Variants in TSNARE1 observed in about 807,000 individuals in gnomAD.
The protein encoded by TSNARE1 is t-SNARE domain containing 1, also known as t-SNARE domain-containing protein 1.
TSNARE1 carries 49 observed loss-of-function variants against 62.0 expected under a neutral mutation model. The observed-to-expected ratio is 0.79, with a 90% confidence interval of 0.63 to 1.00. The LOEUF (loss-of-function observed/expected upper bound fraction) is 1.00, where lower values mean the gene tolerates loss of function less well. Among genes scored for constraint, TSNARE1 ranks in the 50% least tolerant of loss-of-function variants. The probability of loss-of-function intolerance (pLI) is 0.00; values close to 1 mark genes in which losing one functional copy is unlikely to be tolerated. For synonymous variants in TSNARE1, 328 were observed against 294.4 expected, an observed-to-expected ratio of 1.11 and a Z score of -1.17; for missense variants, 755 against 700.1, an observed-to-expected ratio of 1.08 and a Z score of -0.88.
In TSNARE1 at chr8:142,274,519, C is replaced by T. The variant is rs1234763781; in HGVS notation, c.1446+262G>A. On this transcript the variant is annotated intron_variant, in intron 12 of 13. Transcript: ENST00000524325. ...CCTCCCCTCGGCTGCACCCCGGATC[C>T]ATGGGAGAGGGCGGCGTGGTGCATA... 1.9e-5 allele frequency: 19 copies of T among 985,356 alleles called. 1 individual carries two copies. The highest frequency in any genetic ancestry group is 9.4e-5 in the South Asian group (2 of 21,294). The allele number at this position is 985,356 out of a possible 1,614,324, so 61.0% of individuals were successfully genotyped here.
chr8:142,305,165 G>A (rs1417276697), intron 9 of TSNARE1, among the ~76,000 whole-genome samples: 1 of 152,184 alleles, frequency 6.6e-6, no homozygotes, highest in African/African-American at 2.4e-5. Context: ...AGGTGGAGAA[G>A]GCACCACAGG....
chr8:142,385,960 G>A (rs746772874), intron 1 of TSNARE1, among the ~76,000 whole-genome samples: 1 of 152,186 alleles, frequency 6.6e-6, no homozygotes, highest in Non-Finnish European at 1.5e-5. Flanking sequence ...CTGAGGCCCT[G>A]TTTCCTTCCT....
chr8:142,383,559 A>G lies in TSNARE1; in HGVS notation c.-40+19545T>C, dbSNP rs190019923. ...CCTAGTCCACACCCACTAAAGCCTCATGGGGTCTTCCCTCTCCCAGCCTCA... is the reference window on the plus strand; with the variant it reads ...CCTAGTCCACACCCACTAAAGCCTCGTGGGGTCTTCCCTCTCCCAGCCTCA... On this transcript the variant is annotated intron_variant, in intron 1 of 13. Transcript: ENST00000524325. Among the ~76,000 whole-genome samples the G allele has an allele frequency of 2.0e-5, 3 of 152,230 alleles. No individual in the cohort carries two copies. In the East Asian group the frequency reaches 5.8e-4, roughly 30 times the overall value.
rs200267574 is a variant in TSNARE1 at position 142,222,290 on chromosome 8, T to TCACTCATTCACTCA, written c.*11+7182_*11+7183insTGAGTGAATGAGTG. Among the ~76,000 whole-genome samples, 24 of 17,262 alleles carry TCACTCATTCACTCA rather than the reference T, an allele frequency of 1.4e-3. 6 individuals are homozygous for TCACTCATTCACTCA. The highest frequency in any genetic ancestry group is 3.7e-3 in the African/African-American group (24 of 6,544). 11.3% of individuals were successfully genotyped at this position (17,262 alleles called of 152,430 possible). On this transcript the variant is annotated intron_variant, in intron 13 of 13. Coordinates refer to ENST00000524325, the MANE Select transcript of TSNARE1 (RefSeq NM_145003.5). ...CTCACTCACTCATCCACTCATTCAC[T>TCACTCATTCACTCA]CTCACTCATTCACTCACTCACTCAT...
intron 1 of TSNARE1, among the ~76,000 whole-genome samples, chr8:142,372,981 T>C (rs555286675): frequency 6.6e-6 from 1 of 152,322 alleles, no homozygotes; most frequent in South Asian, 2.1e-4. Context: ...CCCTGATTTC[T>C]GGACGCTTTT....
chr8:142,298,476 C>T (rs761823158), intron 10 of TSNARE1, among the ~76,000 whole-genome samples: 28 of 152,168 alleles, frequency 1.8e-4, no homozygotes, highest in Non-Finnish European at 3.7e-4. Context: ...AGTGAGAAGC[C>T]AGCCCCTCAG....
chr8:142,382,029 C>T (rs1415610344), intron 1 of TSNARE1, among the ~76,000 whole-genome samples: 1 of 152,126 alleles, frequency 6.6e-6, no homozygotes, highest in East Asian at 1.9e-4. Context: ...GCCAGATGCT[C>T]GGTGGAGGAG....
rs766109564 is a variant in TSNARE1 at position 142,354,804 on chromosome 8, A to G, written c.-39-41T>C. ...AAAGCAGGGGGAAGAGGGGGAAGAC[A>G]TGGGGATTAAAGCTCCAATTCAGGG... On this transcript the variant is annotated intron_variant, in intron 1 of 13. Coordinates refer to ENST00000524325, the MANE Select transcript of TSNARE1 (RefSeq NM_145003.5). The G allele has an allele frequency of 1.3e-5, 16 of 1,207,228 alleles. No individual in the cohort carries two copies. The South Asian group carries it at 1.8e-4, about 14-fold the overall frequency. The allele number at this position is 1,207,228 out of a possible 1,614,324, so 74.8% of individuals were successfully genotyped here.
chr8:142,330,694 C>T (rs571216967), intron 6 of TSNARE1, among the ~76,000 whole-genome samples: 112 of 152,238 alleles, frequency 7.4e-4, no homozygotes, highest in Non-Finnish European at 1.1e-3. Flanking sequence ...AGGGCACCTG[C>T]AGGCTGAGGG....
intron 10 of TSNARE1, among the ~76,000 whole-genome samples, chr8:142,287,070 C>T (rs1034797551): frequency 9.9e-5 from 15 of 152,266 alleles, no homozygotes; most frequent in African/African-American, 3.6e-4. Context: ...CAGACTCCAA[C>T]CCAGGTCACT....
intron 10 of TSNARE1, among the ~76,000 whole-genome samples, chr8:142,298,173 C>T (rs1825084347): frequency 6.6e-6 from 1 of 152,226 alleles, no homozygotes; most frequent in Non-Finnish European, 1.5e-5. Flanking sequence ...GCCCAGAGCC[C>T]CAGCTTTCCT....
chr8:142,403,046 C>T (rs944915923), intron 1 of TSNARE1, 58 bp downstream of exon 1: 19 of 148,296 alleles, frequency 1.3e-4, no homozygotes, highest in African/African-American at 4.6e-4. Context: ...GGCCGCCTCG[C>T]CCTCGCCGCC....
chr8:142,241,894 A>G (rs571696725), intron 12 of TSNARE1, among the ~76,000 whole-genome samples: 4 of 148,882 alleles, frequency 2.7e-5, no homozygotes, highest in Non-Finnish European at 6.0e-5. Context: ...CTAAAACTCT[A>G]AACCTACGAT....
intron 12 of TSNARE1, among the ~76,000 whole-genome samples, chr8:142,261,099 AGAGG>A (rs2130396481): frequency 2.6e-4 from 5 of 19,012 alleles, no homozygotes; most frequent in African/African-American, 4.7e-4. Context: ...AGGAGGGAAG[AGAGG>A]GGGAGCAGGG....
intron 12 of TSNARE1, among the ~76,000 whole-genome samples, chr8:142,246,728 C>T (rs988165334): frequency 9.2e-5 from 14 of 152,280 alleles, no homozygotes; most frequent in Non-Finnish European, 1.5e-4. Context: ...TGCGCAGACA[C>T]GGGAGAACCG....
At chr8:142,279,443 G>A (rs935435910) in intron 11 of TSNARE1, among the ~76,000 whole-genome samples, 28 of 152,326 alleles carry the variant, frequency 1.8e-4, no homozygotes, top group African/African-American at 6.5e-4. Flanking sequence ...CCCCTCACCA[G>A]GCACTGGTCC....
At chr8:142,245,761 G>A (rs1308705603) in intron 12 of TSNARE1, among the ~76,000 whole-genome samples, 2 of 152,160 alleles carry the variant, frequency 1.3e-5, no homozygotes, top group Non-Finnish European at 2.9e-5. Flanking sequence ...GGCAGAGGGT[G>A]CGATGAGGCA....
Position 142,245,577 on chromosome 8 carries a change from T to C in TSNARE1, c.1447-15998A>G, listed in dbSNP as rs986528084. ...GCCAGTCTCAGAAGAATACTAATAG[T>C]ATGGCTCAATTTTTAGGAGCTAAAA... On this transcript the variant is annotated intron_variant, in intron 12 of 13. Coordinates refer to ENST00000524325, the MANE Select transcript of TSNARE1 (RefSeq NM_145003.5). 5.3e-5 allele frequency among the ~76,000 whole-genome samples: 8 copies of C among 152,194 alleles called. No homozygotes were observed. The South Asian group carries it at 1.2e-3, about 24-fold the overall frequency.
chr8:142,374,603 C>T (rs1220042478), intron 1 of TSNARE1, among the ~76,000 whole-genome samples: 3 of 151,646 alleles, frequency 2.0e-5, no homozygotes, highest in African/African-American at 4.9e-5. Context: ...TGGCATGAAA[C>T]CCAGAGGCGG....
Sources: allele counts gnomAD v4.1 joint callset (sites outside exome capture counted in the v4.1 genomes callset), GRCh38; gene constraint gnomAD v4.1.1; transcripts MANE v1.5; gene names NCBI Gene and HGNC (gene_info 2026-07-23, HGNC 2026-07-21).